TBC1D28: variants seen among roughly 807,000 people sequenced by gnomAD.
The protein encoded by TBC1D28 is TBC1 domain family member 28.
In TBC1D28, 20 loss-of-function variants were observed where a neutral mutation model predicts 29.2. The ratio of observed to expected loss-of-function variants is 0.68; its 90% CI spans 0.48 to 0.99. The LOEUF is 0.99. Ranked by LOEUF, TBC1D28 falls within the 50% of genes least tolerant of loss-of-function variation. The probability of loss-of-function intolerance (pLI) is 0.00; values close to 1 mark genes in which losing one functional copy is unlikely to be tolerated. For synonymous variants in TBC1D28, 65 were observed against 90.9 expected, an observed-to-expected ratio of 0.71 and a Z score of 1.62; for missense variants, 205 against 243.7, an observed-to-expected ratio of 0.84 and a Z score of 1.06.
chr17:18,635,359 C>G (rs1417003226), exon 9 of TBC1D28: 1 of 180,400 alleles, frequency 5.5e-6, no homozygotes, highest in Non-Finnish European at 1.1e-5. Context: ...CAGGAGCCCA[C>G]GGCCTCAGAT....
At chr17:18,638,565 C>A in intron 6 of TBC1D28, 56 bp downstream of exon 7, 2 of 1,607,880 alleles carry the variant, frequency 1.2e-6, no homozygotes, top group Non-Finnish European at 1.7e-6. Context: ...ACCATGGGCG[C>A]CTGTCTCCTG....
chr17:18,641,658 A>G, exon 2 of TBC1D28: 1 of 442,734 alleles, frequency 2.3e-6, no homozygotes, highest in Non-Finnish European at 4.0e-6. Flanking sequence ...AACGGCGTCC[A>G]CTTGCTGAGG....
chr17:18,637,767 C>G, intron 8 of TBC1D28, 97 bp downstream of exon 9: 1 of 1,476,804 alleles, frequency 6.8e-7, no homozygotes, highest in Non-Finnish European at 9.3e-7. Context: ...GCTCTGTCAC[C>G]TCTCCTGGGT....
intron 7 of TBC1D28, 110 bp from the exon 9 acceptor site, chr17:18,638,083 A>AAGGT: frequency 6.4e-7 from 1 of 1,565,884 alleles, no homozygotes; most frequent in Middle Eastern, 1.7e-4. Context: ...GGAAGGAAGG[A>AAGGT]AGGTTTCCTT....
intron 6 of TBC1D28, 42 bp from the exon 8 acceptor site, chr17:18,638,462 A>G (rs9902086): frequency 0.56 from 895,106 of 1,608,572 alleles, 255,623 homozygotes; most frequent in East Asian, 0.95. Context: ...GACATGGGGC[A>G]ACCCCGCAGA....
chr17:18,636,400 T>C (rs867571404), exon 9 of TBC1D28: 3 of 1,591,946 alleles, frequency 1.9e-6, no homozygotes, highest in African/African-American at 2.7e-5. Context: ...GCTTCAACCC[T>C]TTTCTGCCAG....
In TBC1D28 at chr17:18,638,037, C is replaced by T. The variant is rs922019894; in HGVS notation, c.388-64G>A. Reference sequence around the variant, plus strand: ...CAGACAAAAGACTCCCTGCCCCAAACGGCAGTCATCCCACAGTCAGCACTT... The same window carrying T: ...CAGACAAAAGACTCCCTGCCCCAAATGGCAGTCATCCCACAGTCAGCACTT... On this transcript the variant is annotated intron_variant, in intron 7 of 8. Transcript: ENST00000345096. 40 of 1,498,624 alleles carry T rather than the reference C, an allele frequency of 2.7e-5. No individual in the cohort carries two copies. The South Asian group carries it at 3.3e-4, about 12-fold the overall frequency. 92.8% of individuals were successfully genotyped at this position (1,498,624 alleles called of 1,614,324 possible).
chr17:18,636,552 G>T, exon 9 of TBC1D28: 1 of 1,614,032 alleles, frequency 6.2e-7, no homozygotes, highest in Non-Finnish European at 8.5e-7. Context: ...TACTCACAGG[G>T]TTATATGCAG....
At chr17:18,640,088 T>C (rs1482744927) in intron 4 of TBC1D28, among the ~76,000 whole-genome samples, 2 of 150,682 alleles carry the variant, frequency 1.3e-5, no homozygotes, top group Non-Finnish European at 3.0e-5. Flanking sequence ...ATGGGATGCT[T>C]GGCTGTCCTC....
At chr17:18,635,587 GC>G (rs2031457248) in exon 9 of TBC1D28, 1 of 1,002,164 alleles carries the variant, frequency 1.0e-6, no homozygotes, top group Non-Finnish European at 1.2e-6. Flanking sequence ...ATGGCCCAGA[GC>G]TGGCAGAACT....
chr17:18,638,265 C>A, intron 7 of TBC1D28, 48 bp downstream of exon 8: 1 of 1,599,506 alleles, frequency 6.3e-7, no homozygotes, highest in Non-Finnish European at 8.6e-7. Flanking sequence ...GATCCTGATA[C>A]AGTCTAGCTT....
At chr17:18,637,652 AC>A (rs1336666373) in intron 8 of TBC1D28, among the ~76,000 whole-genome samples, 1 of 151,482 alleles carries the variant, frequency 6.6e-6, no homozygotes, top group Non-Finnish European at 1.5e-5. Flanking sequence ...CTTGGGAGTC[AC>A]CTGGGTTCTG....
Position 18,639,194 on chromosome 17 carries a change from AC to A in TBC1D28, c.178del (p.Val60SerfsTer6), listed in dbSNP as rs747328838. The A allele has an allele frequency of 3.0e-5, 49 of 1,612,334 alleles. No individual in the cohort carries two copies. In the Admixed American group the frequency reaches 4.5e-4, roughly 15 times the overall value. Reference sequence around the variant, plus strand: ...TCTTACCTTCACCTCCAGGGCACTGACGCGGGGCAGCTCCATCTCACTGTAA... The same window carrying A: ...TCTTACCTTCACCTCCAGGGCACTGAGCGGGGCAGCTCCATCTCACTGTAA... On this transcript the variant is annotated frameshift_variant, in exon 5 of 9. Coordinates refer to ENST00000345096, the Ensembl canonical transcript of TBC1D28. LOFTEE classifies it high-confidence loss of function.
upstream of TBC1D28, among the ~76,000 whole-genome samples, chr17:18,643,826 C>A (rs749435321): frequency 6.6e-6 from 1 of 152,242 alleles, no homozygotes; most frequent in Non-Finnish European, 1.5e-5. Context: ...AGTGACCGCA[C>A]GTGAAGTCTG....
intron 6 of TBC1D28, 73 bp downstream of exon 7, chr17:18,638,548 G>T: frequency 2.0e-6 from 3 of 1,501,350 alleles, no homozygotes; most frequent in South Asian, 1.2e-5. Flanking sequence ...CACCCACCCA[G>T]GCCAAAACCA....
chr17:18,637,916 C>T (rs1468668693), exon 8 of TBC1D28: 4 of 1,613,596 alleles, frequency 2.5e-6, no homozygotes, highest in Middle Eastern at 1.6e-4. Context: ...GTGTGGCTGA[C>T]ATCTAGCTGG....
At chr17:18,635,298 G>C (rs1218701168) in exon 9 of TBC1D28, 1 of 153,806 alleles carries the variant, frequency 6.5e-6, no homozygotes. Flanking sequence ...GTGCCCGAGA[G>C]TGGGGGAAAT....
exon 1 of TBC1D28, chr17:18,642,383 G>C (rs2151723455): frequency 6.6e-6 from 1 of 152,118 alleles, no homozygotes; most frequent in East Asian, 1.9e-4. Context: ...CCACCCACAG[G>C]GGCTCTGTCC....
upstream of TBC1D28, among the ~76,000 whole-genome samples, chr17:18,643,465 C>A (rs1479102940): frequency 6.6e-6 from 1 of 150,416 alleles, no homozygotes; most frequent in African/African-American, 2.5e-5. Flanking sequence ...CTTTCACTGA[C>A]CGTTTTCCCA....
Sources: allele counts gnomAD v4.1 joint callset (sites outside exome capture counted in the v4.1 genomes callset), GRCh38; gene constraint gnomAD v4.1.1; transcripts MANE v1.5; gene names NCBI Gene and HGNC (gene_info 2026-07-23, HGNC 2026-07-21).